Variants in BCAS3 observed in about 807,000 individuals in gnomAD.
BCAS3 encodes BCAS4/BCAS3 fusion.
Under a neutral mutation model 116.1 loss-of-function variants are expected in BCAS3, and 53 were observed. That is an observed-to-expected ratio of 0.46 (90% CI 0.37 to 0.57). BCAS3 has a LOEUF of 0.57. Among genes scored for constraint, BCAS3 ranks in the 20% least tolerant of loss-of-function variants. BCAS3 has a pLI of 0.00. For synonymous variants in BCAS3, 391 were observed against 408.2 expected (o/e 0.96, Z 0.51); for missense variants, 917 against 1,165.4 (o/e 0.79, Z 3.10).
At chr17:60,867,119 T>G (rs965079840) in intron 7 of BCAS3, among the ~76,000 whole-genome samples, 2 of 151,744 alleles carry the variant, frequency 1.3e-5, no homozygotes, top group African/African-American at 4.8e-5. Flanking sequence ...TTTTTGTTTT[T>G]TTTTTTTGAG....
chr17:61,075,061 AC>A lies in BCAS3; in HGVS notation c.2130+42del. The A allele has an allele frequency of 2.7e-6, 4 of 1,464,242 alleles. No homozygotes were observed. In the East Asian group the frequency reaches 9.1e-5, roughly 33 times the overall value. The allele number at this position is 1,464,242 out of a possible 1,614,324, so 90.7% of individuals were successfully genotyped here. ...ATTGAGAGTATTAAAGTAAAATAAA[AC>A]AGAAATTTACTGTTTTTATTCTTTT... On this transcript the variant is annotated intron_variant, in intron 20 of 23. Transcript: ENST00000407086.
intron 2 of BCAS3, among the ~76,000 whole-genome samples, chr17:60,680,349 G>T (rs895875459): frequency 6.6e-6 from 1 of 152,038 alleles, no homozygotes; most frequent in Non-Finnish European, 1.5e-5. Context: ...TGTCACAGGG[G>T]TTTGTTGTAC....
intron 9 of BCAS3, among the ~76,000 whole-genome samples, chr17:60,888,628 TG>T (rs2144994543): frequency 6.6e-6 from 1 of 152,318 alleles, no homozygotes; most frequent in African/African-American, 2.4e-5. Flanking sequence ...GTCCTATATA[TG>T]TTTCCATAAT....
chr17:61,140,171 A>AT lies in BCAS3; in HGVS notation c.2425+55607_2425+55608insT, dbSNP rs2076843320. 6.6e-6 allele frequency among the ~76,000 whole-genome samples: 1 copy of AT among 152,186 alleles called. No individual in the cohort carries two copies. On this transcript the variant is annotated intron_variant, in intron 22 of 23. Coordinates refer to ENST00000407086, the MANE Select transcript of BCAS3 (RefSeq NM_017679.5). The surrounding 1 kb of genome is among the most constrained non-coding windows in gnomAD (Gnocchi z 4.2). The stretch of plus-strand genomic sequence containing the variant: ...AGAATCACTGGAACCCAGAAGGCGG[A>AT]GGTTGCAGTGAGTCAGGATCACACC...
At chr17:60,789,111 C>T (rs569268803) in intron 6 of BCAS3, among the ~76,000 whole-genome samples, 160 of 152,204 alleles carry the variant, frequency 1.1e-3, no homozygotes, top group African/African-American at 3.7e-3. Flanking sequence ...ATATTTTTCT[C>T]AGTGAAAATT....
rs969246730 is a variant in BCAS3, at chr17:61,380,948, C to T, written c.2594-11029C>T. ...ATTTGTACCTATTCATTTGCAGTCC[C>T]TGCAGGAGCCTGGAGCTGGCCCCTA... On this transcript the variant is annotated intron_variant, in intron 23 of 23. Coordinates refer to ENST00000407086, the MANE Select transcript of BCAS3 (RefSeq NM_017679.5). The surrounding 1 kb of genome is among the most constrained non-coding windows in gnomAD (Gnocchi z 4.2). Among the ~76,000 whole-genome samples, 1 of 152,212 alleles carries T rather than the reference C, an allele frequency of 6.6e-6. No individual in the cohort carries two copies. The highest frequency in any genetic ancestry group is 1.5e-5 in the Non-Finnish European group (1 of 68,038).
intron 19 of BCAS3, among the ~76,000 whole-genome samples, chr17:61,044,446 C>CAAAAAAAAAAA (rs1223902392): frequency 2.4e-5 from 2 of 82,820 alleles, no homozygotes; most frequent in African/African-American, 1.3e-4. Flanking sequence ...GACTCTGTCT[C>CAAAAAAAAAAA]AAAAAAAAAA....
intron 7 of BCAS3, among the ~76,000 whole-genome samples, chr17:60,860,506 C>G (rs928259804): frequency 2.8e-4 from 43 of 152,080 alleles, no homozygotes; most frequent in African/African-American, 9.9e-4. Flanking sequence ...ATTTTTGTTG[C>G]AATTGTTGGG....
chr17:60,921,486 G>GGGAGTC, intron 12 of BCAS3, among the ~76,000 whole-genome samples: 1 of 151,126 alleles, frequency 6.6e-6, no homozygotes, highest in South Asian at 2.1e-4. Context: ...AGTGGCGGGC[G>GGGAGTC]CCTGTAGTCC....
intron 13 of BCAS3, among the ~76,000 whole-genome samples, chr17:60,946,934 T>C (rs1368503848): frequency 6.6e-6 from 1 of 152,158 alleles, no homozygotes; most frequent in Non-Finnish European, 1.5e-5. Context: ...AATAAAATTA[T>C]GAATTCTGTA....
Position 60,986,301 on chromosome 17 carries a change from T to C in BCAS3, c.1222-3670T>C, listed in dbSNP as rs530006392. ...ATTGTGAATAATGCTGCAATAAACA[T>C]GGGAGTGCAGATATCTCTTTGATAT... is the stretch of plus-strand genomic sequence containing the variant. On this transcript the variant is annotated intron_variant, in intron 14 of 23. Coordinates refer to ENST00000407086, the MANE Select transcript of BCAS3 (RefSeq NM_017679.5). 2.0e-5 allele frequency among the ~76,000 whole-genome samples: 3 copies of C among 152,338 alleles called. No homozygotes were observed. The South Asian group carries it at 6.2e-4, about 32-fold the overall frequency.
Position 61,077,503 on chromosome 17 carries a change from C to T in BCAS3, c.2131-830C>T, listed in dbSNP as rs973853538. Reference sequence around the variant, plus strand: ...CTGCACTCCAGTCTGGGCAACAGAGCGAGACTCCGTCTCAAAAAAAAAATG... The same window carrying T: ...CTGCACTCCAGTCTGGGCAACAGAGTGAGACTCCGTCTCAAAAAAAAAATG... On this transcript the variant is annotated intron_variant, in intron 20 of 23. Coordinates refer to ENST00000407086, the MANE Select transcript of BCAS3 (RefSeq NM_017679.5). The surrounding 1 kb of genome is among the most constrained non-coding windows in gnomAD (Gnocchi z 4.3). 6.6e-6 allele frequency among the ~76,000 whole-genome samples: 1 copy of T among 151,690 alleles called. No individual in the cohort carries two copies. Among genetic ancestry groups the T allele is most frequent in the African/African-American group, 2.4e-5 (1 of 41,290 alleles).
intron 6 of BCAS3, among the ~76,000 whole-genome samples, chr17:60,776,192 C>T (rs555992578): frequency 3.9e-5 from 6 of 152,050 alleles, no homozygotes; most frequent in Non-Finnish European, 7.4e-5. Context: ...TTCATCATAA[C>T]AGTATTGACT....
rs562224373 is a variant in BCAS3 at position 61,105,506 on chromosome 17, G to A, written c.2425+20942G>A. 6.6e-6 allele frequency among the ~76,000 whole-genome samples: 1 copy of A among 152,182 alleles called. No homozygotes were observed. Among genetic ancestry groups the A allele is most frequent in the Non-Finnish European group, 1.5e-5 (1 of 68,034 alleles). ...ATGGCGCGACCTTGGCTCAAAGCAA[G>A]CTCTGTCTCCTAGATTCAAGTGATT... is the stretch of plus-strand genomic sequence containing the variant. On this transcript the variant is annotated intron_variant, in intron 22 of 23. Transcript: ENST00000407086. The surrounding 1 kb of genome is among the most constrained non-coding windows in gnomAD (Gnocchi z 4.3).
At chr17:61,081,795 C>G (rs569106064) in intron 21 of BCAS3, among the ~76,000 whole-genome samples, 2 of 152,328 alleles carry the variant, frequency 1.3e-5, no homozygotes, top group South Asian at 4.1e-4. Flanking sequence ...TATGATCACT[C>G]TAGCCCAGCT....
chr17:60,814,306 T>TGCGCGCGC (rs1555731469), intron 7 of BCAS3, among the ~76,000 whole-genome samples: 1 of 148,302 alleles, frequency 6.7e-6, no homozygotes, highest in Admixed American at 6.7e-5. Flanking sequence ...TGTGTGTGTG[T>TGCGCGCGC]GCGCGCGTGC....
intron 5 of BCAS3, among the ~76,000 whole-genome samples, chr17:60,723,873 C>T (rs1250390906): frequency 6.6e-6 from 1 of 151,236 alleles, no homozygotes; most frequent in Non-Finnish European, 1.5e-5. Context: ...CACCCGCCAC[C>T]ATGCCTGGCC....
chr17:61,089,509 C>CTTTTTTTTTTTTTTTTTT lies in BCAS3; in HGVS notation c.2425+4966_2425+4983dup, dbSNP rs71370187. ...TTTTTCTTCGAGACGGAGTTTCACT[C>CTTTTTTTTTTTTTTTTTT]TTTTTTTTTTTTTTTTTTTTTTTTT... On this transcript the variant is annotated intron_variant, in intron 22 of 23. Coordinates refer to ENST00000407086, the MANE Select transcript of BCAS3 (RefSeq NM_017679.5). 1.9e-4 allele frequency among the ~76,000 whole-genome samples: 5 copies of CTTTTTTTTTTTTTTTTTT among 26,750 alleles called. 2 individuals carry two copies. Among genetic ancestry groups the CTTTTTTTTTTTTTTTTTT allele is most frequent in the African/African-American group, 8.3e-4 (5 of 6,048 alleles). 17.5% of individuals were successfully genotyped at this position (26,750 alleles called of 152,430 possible). A position where few individuals can be genotyped will look rare whatever the true frequency, so the allele number is the denominator to read the frequency against.
At chr17:60,710,690 C>T (rs1296949961) in intron 5 of BCAS3, among the ~76,000 whole-genome samples, 1 of 152,022 alleles carries the variant, frequency 6.6e-6, no homozygotes, top group East Asian at 1.9e-4. Flanking sequence ...CTTGGCCTCC[C>T]AAAGTGCTGG....
Sources: allele counts gnomAD v4.1 joint callset (sites outside exome capture counted in the v4.1 genomes callset), GRCh38; gene constraint gnomAD v4.1.1; non-coding constraint Gnocchi (gnomAD v3.1); transcripts MANE v1.5; gene names NCBI Gene and HGNC (gene_info 2026-07-23, HGNC 2026-07-21).